Variants in SYT11 observed in about 807,000 individuals in gnomAD.
SYT11 encodes synaptotagmin-11.
In SYT11, 12 loss-of-function variants were observed where a neutral mutation model predicts 30.4. The ratio of observed to expected loss-of-function variants is 0.39; its 90% confidence interval spans 0.25 to 0.64. The LOEUF (loss-of-function observed/expected upper bound fraction) is 0.64, where lower values mean the gene tolerates loss of function less well. Ranked by LOEUF, SYT11 falls within the 30% of genes least tolerant of loss-of-function variation. The pLI is 0.45. For synonymous variants in SYT11, 204 were observed against 216.0 expected (o/e 0.94, Z 0.49); for missense variants, 412 against 552.0 (o/e 0.75, Z 2.54).
intron 2 of SYT11, among the ~76,000 whole-genome samples, chr1:155,870,953 G>C (rs1157394839): frequency 6.6e-6 from 1 of 152,202 alleles, no homozygotes; most frequent in East Asian, 1.9e-4. Flanking sequence ...TGTGATTTAG[G>C]GTAGAGGTGG....
At chr1:155,866,664 G>A (rs929748776) in intron 1 of SYT11, among the ~76,000 whole-genome samples, 7 of 151,714 alleles carry the variant, frequency 4.6e-5, no homozygotes, top group African/African-American at 1.5e-4. Flanking sequence ...CGAGAATGAC[G>A]GCATGTTGAA....
chr1:155,881,583 G>T lies in SYT11; in HGVS notation c.*75G>T. 1 of 1,406,676 alleles carries T rather than the reference G, an allele frequency of 7.1e-7. No homozygotes were observed. The highest frequency in any genetic ancestry group is 2.3e-5 in the East Asian group (1 of 42,754). 87.1% of individuals were successfully genotyped at this position (1,406,676 alleles called of 1,614,324 possible). On this transcript the variant is annotated 3_prime_UTR_variant, in exon 4 of 4. Transcript: ENST00000368324. The stretch of plus-strand genomic sequence containing the variant: ...TGGAGGGGAAAAAGATGACAGAGAA[G>T]TGGACTCCAAACCTCATTTTAGTTG...
chr1:155,859,696 G>T lies in SYT11; in HGVS notation c.-66G>T. On this transcript the variant is annotated 5_prime_UTR_variant, in exon 1 of 4. Coordinates refer to ENST00000368324, the MANE Select transcript of SYT11 (RefSeq NM_152280.5). Reference sequence around the variant, plus strand: ...GCTCTACAGCTGCTGCCTCGGTACTGACCGAGGGTTCCCAGAGCTGTCTCA... The same window carrying T: ...GCTCTACAGCTGCTGCCTCGGTACTTACCGAGGGTTCCCAGAGCTGTCTCA... 2.0e-6 allele frequency: 3 copies of T among 1,506,022 alleles called. No individual in the cohort carries two copies. In the South Asian group the frequency reaches 3.4e-5, roughly 17 times the overall value. 93.3% of individuals were successfully genotyped at this position (1,506,022 alleles called of 1,614,324 possible). A position where few individuals can be genotyped will look rare whatever the true frequency, so the allele number is the denominator to read the frequency against.
chr1:155,873,648 C>T (rs549093963), intron 2 of SYT11, among the ~76,000 whole-genome samples: 2 of 152,202 alleles, frequency 1.3e-5, no homozygotes, highest in Admixed American at 6.5e-5. Context: ...TAGATCAGTG[C>T]CGTCTAATGA....
chr1:155,873,147 G>A (rs1231683673), intron 2 of SYT11, among the ~76,000 whole-genome samples: 1 of 152,150 alleles, frequency 6.6e-6, no homozygotes, highest in Non-Finnish European at 1.5e-5. Flanking sequence ...TCAGATGTCG[G>A]CTAGGCGCGG....
chr1:155,866,722 T>C (rs1454622862), intron 1 of SYT11, among the ~76,000 whole-genome samples: 1 of 151,806 alleles, frequency 6.6e-6, no homozygotes, highest in Admixed American at 6.6e-5. Flanking sequence ...ATGGAGAAGA[T>C]TGCACTTTTA....
chr1:155,878,811 G>A (rs1327892763), intron 2 of SYT11, among the ~76,000 whole-genome samples: 1 of 151,986 alleles, frequency 6.6e-6, no homozygotes, highest in East Asian at 1.9e-4. Flanking sequence ...AGGTTGCAGT[G>A]AGCCGAGGTC....
chr1:155,863,145 T>G (rs1342959554), intron 1 of SYT11, among the ~76,000 whole-genome samples: 1 of 152,206 alleles, frequency 6.6e-6, no homozygotes, highest in Non-Finnish European at 1.5e-5. Flanking sequence ...AATAATGTTT[T>G]GCTCCTTATC....
At chr1:155,876,140 G>T (rs1291545515) in intron 2 of SYT11, among the ~76,000 whole-genome samples, 1 of 151,714 alleles carries the variant, frequency 6.6e-6, no homozygotes, top group Non-Finnish European at 1.5e-5. Context: ...TTTCTTTGGG[G>T]CTTTGAAGAA....
At chr1:155,870,153 T>C (rs1557947995) in intron 2 of SYT11, among the ~76,000 whole-genome samples, 2 of 152,250 alleles carry the variant, frequency 1.3e-5, no homozygotes, top group Non-Finnish European at 1.5e-5. Context: ...GTTGAAATTT[T>C]AAACTTAGAG....
Position 155,859,647 on chromosome 1 carries a change from ACCTT to A in SYT11, c.-112_-109del. 1 of 972,974 alleles carries A rather than the reference ACCTT, an allele frequency of 1.0e-6. No homozygotes were observed. The highest frequency in any genetic ancestry group is 1.7e-6 in the Non-Finnish European group (1 of 604,004). The allele number at this position is 972,974 out of a possible 1,614,324, so 60.3% of individuals were successfully genotyped here. On this transcript the variant is annotated 5_prime_UTR_variant, in exon 1 of 4. Transcript: ENST00000368324. ...CCGTCGCAGGAGGCGTCCGCTGGAT[ACCTT>A]CCCCCTTCCCTGACCTAGAGCTCTA...
intron 2 of SYT11, among the ~76,000 whole-genome samples, chr1:155,876,455 C>A (rs1050491204): frequency 1.8e-4 from 27 of 151,570 alleles, no homozygotes; most frequent in Non-Finnish European, 3.4e-4. Flanking sequence ...ACCGTGTTAG[C>A]CAGGATGGTC....
At chr1:155,865,128 C>A (rs770664870) in intron 1 of SYT11, among the ~76,000 whole-genome samples, 2 of 152,140 alleles carry the variant, frequency 1.3e-5, no homozygotes, top group Non-Finnish European at 2.9e-5. Flanking sequence ...GTGAACAAAA[C>A]AGACAAAGTT....
chr1:155,868,183 C>T lies in SYT11; in HGVS notation c.253C>T (p.Pro85Ser). The T allele has an allele frequency of 3.7e-6, 6 of 1,614,052 alleles. No individual in the cohort carries two copies. The highest frequency in any genetic ancestry group is 2.2e-5 in the East Asian group (1 of 44,878). ...CAAAGTGCGGAGAGACAAAGATGGT[C>T]CTGGGAGGGAAGGTGGACGTAGGAA... Reference protein sequence around the residue: ...IIKVRRDKDGPGREGGRRNLL... With the variant: ...IIKVRRDKDGSGREGGRRNLL... Residue 85 changes from proline to serine, a missense_variant, in exon 2 of 4, where the codon CCT becomes TCT. Transcript: ENST00000368324. The surrounding 1 kb of genome is among the most constrained non-coding windows in gnomAD (Gnocchi z 4.7).
chr1:155,871,917 A>G (rs934442081), intron 2 of SYT11, among the ~76,000 whole-genome samples: 1 of 151,992 alleles, frequency 6.6e-6, no homozygotes, highest in Non-Finnish European at 1.5e-5. Flanking sequence ...CCTCCCTACC[A>G]TAGCAAAGTA....
intron 2 of SYT11, among the ~76,000 whole-genome samples, chr1:155,874,419 G>A (rs1258888514): frequency 3.3e-5 from 5 of 152,024 alleles, no homozygotes; most frequent in Non-Finnish European, 5.9e-5. Context: ...GGGCAACATA[G>A]CAAAACCCCA....
At chr1:155,870,944 G>A (rs1672773344) in intron 2 of SYT11, among the ~76,000 whole-genome samples, 1 of 152,194 alleles carries the variant, frequency 6.6e-6, no homozygotes, top group African/African-American at 2.4e-5. Context: ...ATTTGTGATT[G>A]TGATTTAGGG....
intron 1 of SYT11, among the ~76,000 whole-genome samples, chr1:155,866,095 TTC>T (rs1210988807): frequency 1.4e-5 from 2 of 147,870 alleles, no homozygotes; most frequent in African/African-American, 4.9e-5. Context: ...AAAAATCTAT[TTC>T]TCTTTCTCTT....
intron 2 of SYT11, among the ~76,000 whole-genome samples, chr1:155,873,987 A>G (rs822515): frequency 0.95 from 144,027 of 152,278 alleles, 68,655 homozygotes; most frequent in East Asian, 1. Context: ...GGTTGGCAAG[A>G]GCAACCAGAC....
Sources: gnomAD v4.1 joint callset for allele counts (sites outside exome capture counted in the v4.1 genomes callset) on GRCh38, gnomAD v4.1.1 for gene constraint, Gnocchi (gnomAD v3.1) non-coding constraint, MANE v1.5 for transcripts, NCBI Gene and HGNC (gene_info 2026-07-23, HGNC 2026-07-21) for gene names.